The following CNDP2 variants were observed in gnomAD, a reference collection of about 807,000 sequenced individuals.
The protein encoded by CNDP2 is carnosine dipeptidase 2, also known as cytosolic non-specific dipeptidase.
Under a neutral mutation model 55.0 loss-of-function variants are expected in CNDP2, and 38 were observed. That is an observed-to-expected ratio of 0.69 (90% CI 0.53 to 0.90). CNDP2 has a LOEUF of 0.90. CNDP2 is among the 40% of genes least tolerant of loss of function. The pLI, the probability that CNDP2 is intolerant of heterozygous loss-of-function variation, is 0.00. For missense variants in CNDP2, 607 were observed against 621.7 expected, an observed-to-expected ratio of 0.98 and a Z score of 0.25; for synonymous variants, 241 against 260.2, an observed-to-expected ratio of 0.93 and a Z score of 0.71.
chr18:74,518,527 C>G lies in CNDP2; in HGVS notation c.1097C>G (p.Ala366Gly). 1 of 1,614,200 alleles carries G rather than the reference C, an allele frequency of 6.2e-7. No homozygotes were observed. ...QVTSYLTKKF[A>G]ELRSPNEFKV... ...ACAAGCTACCTAACTAAGAAGTTTG[C>G]TGAACTACGCAGCCCCAATGAGTTC... The change falls in exon 10 of 12, where the codon GCT (alanine) becomes GGT (glycine). Residue 366 changes from alanine to glycine, a missense_variant. Transcript: ENST00000324262.
chr18:74,500,079 C>T (rs1275470782), intron 2 of CNDP2, 46 bp downstream of exon 2: 4 of 1,523,648 alleles, frequency 2.6e-6, no homozygotes, highest in Non-Finnish European at 1.8e-6. Context: ...TGATTTAATC[C>T]CATGGGGCCC....
At chr18:74,511,725 G>T (rs893040229) in intron 6 of CNDP2, among the ~76,000 whole-genome samples, 4 of 150,526 alleles carry the variant, frequency 2.7e-5, no homozygotes, top group Non-Finnish European at 5.9e-5. Flanking sequence ...AAAAAAAAGA[G>T]AAACCGAGGC....
chr18:74,496,804 G>C, intron 1 of CNDP2, among the ~76,000 whole-genome samples: 1 of 152,196 alleles, frequency 6.6e-6, no homozygotes, highest in East Asian at 1.9e-4. Flanking sequence ...GGAGCCGAGC[G>C]CTGGTCAGGC....
At chr18:74,519,284 G>A (rs1599074682) in intron 11 of CNDP2, among the ~76,000 whole-genome samples, 188 bp downstream of exon 11, 1 of 152,204 alleles carries the variant, frequency 6.6e-6, no homozygotes, top group Non-Finnish European at 1.5e-5. Flanking sequence ...CAGGAGAGGG[G>A]TGCTAAAAAC....
chr18:74,501,338 A>C lies in CNDP2; in HGVS notation c.70A>C (p.Lys24Gln), dbSNP rs1568276843. 1 of 1,612,644 alleles carries C rather than the reference A, an allele frequency of 6.2e-7. No homozygotes were observed. Among genetic ancestry groups the C allele is most frequent in the Non-Finnish European group, 8.5e-7 (1 of 1,179,428 alleles). Residue 24 changes from lysine to glutamine, a missense_variant, in exon 3 of 12, where the codon AAA becomes CAA. Physicochemically the swap from Lys to Gln is moderately conservative, Grantham distance 53. Coordinates refer to ENST00000324262, the MANE Select transcript of CNDP2 (RefSeq NM_018235.3). Reference sequence around the variant, plus strand: ...TCTTGTCCACAAACAGAAACTCGCAAAATGGGTGGCTATCCAGAGTGTGTC... The same window carrying C: ...TCTTGTCCACAAACAGAAACTCGCACAATGGGTGGCTATCCAGAGTGTGTC... ...NQDRYIKKLA[K>Q]WVAIQSVSAW...
chr18:74,500,433 A>C (rs1175985183), intron 2 of CNDP2, among the ~76,000 whole-genome samples: 12 of 152,256 alleles, frequency 7.9e-5, no homozygotes, highest in Admixed American at 6.5e-5. Context: ...TAGAATTCTC[A>C]TGCTAAAATT....
Position 74,499,924 on chromosome 18 carries a change from T to C in CNDP2, c.-50T>C. 6.4e-7 allele frequency: 1 copy of C among 1,565,616 alleles called. No individual in the cohort carries two copies. Among genetic ancestry groups the C allele is most frequent in the Non-Finnish European group, 8.8e-7 (1 of 1,136,518 alleles). On this transcript the variant is annotated 5_prime_UTR_variant, in exon 2 of 12. Transcript: ENST00000324262. ...ACTAGAGACAGGACTGACCAGTTGC[T>C]CTTCCTTCCAAGAACCTTCGAGATC...
intron 7 of CNDP2, 83 bp downstream of exon 7, chr18:74,512,615 T>G (rs1979417016): frequency 2.5e-6 from 3 of 1,210,398 alleles, no homozygotes; most frequent in Non-Finnish European, 1.2e-6. Flanking sequence ...CAGCATTGGG[T>G]GCATTTCAGC....
chr18:74,518,868 G>A, intron 10 of CNDP2, 81 bp from the exon 11 acceptor site: 1 of 1,571,828 alleles, frequency 6.4e-7, no homozygotes, highest in Non-Finnish European at 8.7e-7. Flanking sequence ...CTGACTGAGT[G>A]CTACTGAGTA....
intron 2 of CNDP2, among the ~76,000 whole-genome samples, chr18:74,500,412 G>A (rs959217007): frequency 3.3e-5 from 5 of 152,178 alleles, no homozygotes; most frequent in African/African-American, 1.2e-4. Flanking sequence ...ATACATTACA[G>A]ATGAAATCTT....
At chr18:74,504,955 T>C (rs1275649481) in intron 3 of CNDP2, 1 of 152,186 alleles carries the variant, frequency 6.6e-6, no homozygotes, top group Non-Finnish European at 1.5e-5. Context: ...TTGCCTCCAT[T>C]TAGATGCAGG....
Position 74,516,259 on chromosome 18 carries a change from C to T in CNDP2, c.935C>T (p.Pro312Leu), listed in dbSNP as rs1033113132. ...ATCCTCATGCACCGATGGCGGTACC[C>T]GTCTCTGTCCCTCCATGGCATCGAA... Reference protein sequence around the residue: ...KDILMHRWRYPSLSLHGIEGA... With the variant: ...KDILMHRWRYLSLSLHGIEGA... Residue 312 changes from proline (P) to leucine (L), a missense_variant, in exon 9 of 12, where the codon CCG becomes CTG. Coordinates refer to ENST00000324262, the MANE Select transcript of CNDP2 (RefSeq NM_018235.3). 7.4e-6 allele frequency: 12 copies of T among 1,613,876 alleles called. No individual in the cohort carries two copies. Among genetic ancestry groups the T allele is most frequent in the Non-Finnish European group, 1.0e-5 (12 of 1,179,858 alleles).
chr18:74,513,813 C>T, intron 8 of CNDP2, 94 bp downstream of exon 8: 1 of 1,307,210 alleles, frequency 7.6e-7, no homozygotes, highest in Non-Finnish European at 1.1e-6. Context: ...TCCAGGGGGT[C>T]TCTGAGGGAA....
Position 74,518,620 on chromosome 18 carries a change from G to A in CNDP2, c.1190G>A (p.Gly397Glu), listed in dbSNP as rs1979857802. ...SDFSHPHYLA[G>E]RRAMKTVFGV... ...TTCAGTCACCCTCATTACCTGGCTG[G>A]GAGAAGAGCCATGAAGACAGGTTGG... The change falls in exon 10 of 12, where the codon GGG (glycine) becomes GAG (glutamate). Residue 397 changes from glycine (G) to glutamate (E), a missense_variant. Physicochemically the swap from Gly to Glu is moderately conservative, Grantham distance 98. Transcript: ENST00000324262. 3.1e-6 allele frequency: 5 copies of A among 1,614,116 alleles called. No homozygotes were observed. Among genetic ancestry groups the A allele is most frequent in the African/African-American group, 2.7e-5 (2 of 74,946 alleles).
Position 74,511,010 on chromosome 18 carries a change from C to G in CNDP2, c.654C>G (p.Ile218Met). The G allele has an allele frequency of 6.2e-7, 1 of 1,613,542 alleles. No homozygotes were observed. The highest frequency in any genetic ancestry group is 1.1e-5 in the South Asian group (1 of 91,044). Residue 218 changes from isoleucine to methionine, a missense_variant, in exon 6 of 12, where the codon ATC becomes ATG. Ile to Met is a conservative substitution (Grantham distance 10, BLOSUM62 1). Transcript: ENST00000324262. ...YGLRGICYFF[I>M]EVECSNKDLH... ...TCAGGGGCATTTGCTACTTTTTCAT[C>G]GAGGTACAGTGCCAAGCTGTACGGG... is the stretch of plus-strand genomic sequence containing the variant.
chr18:74,518,790 T>TTC, intron 10 of CNDP2, 150 bp downstream of exon 10: 3 of 1,419,708 alleles, frequency 2.1e-6, no homozygotes, highest in Non-Finnish European at 2.9e-6. Flanking sequence ...AGCTAGTGTG[T>TTC]GGGATGAGCC....
At chr18:74,517,285 G>A (rs750505026) in intron 9 of CNDP2, 8 of 152,194 alleles carry the variant, frequency 5.3e-5, no homozygotes, top group African/African-American at 1.2e-4. Flanking sequence ...TTATTCAGGC[G>A]CCTCACTGAG....
intron 1 of CNDP2, among the ~76,000 whole-genome samples, chr18:74,498,522 A>G (rs1978524189): frequency 6.6e-6 from 1 of 152,200 alleles, no homozygotes; most frequent in African/African-American, 2.4e-5. Flanking sequence ...AGAGAATAAT[A>G]TTAATGAGAA....
At chr18:74,511,247 A>G (rs1332394416) in intron 6 of CNDP2, 2 of 542,104 alleles carry the variant, frequency 3.7e-6, no homozygotes, top group Non-Finnish European at 6.5e-6. Context: ...GGACAGTGTG[A>G]TTTGTAATGT....
Sources: allele counts gnomAD v4.1 joint callset (sites outside exome capture counted in the v4.1 genomes callset), GRCh38; gene constraint gnomAD v4.1.1; transcripts MANE v1.5; gene names NCBI Gene and HGNC (gene_info 2026-07-23, HGNC 2026-07-21).